The following KCNAB1 variants were observed in gnomAD, a reference collection of about 807,000 sequenced individuals.
KCNAB1 encodes voltage-gated potassium channel subunit beta-1.
A neutral mutation model predicts 64.6 loss-of-function variants in KCNAB1; 35 were observed. The ratio of observed to expected loss-of-function variants is 0.54; its 90% CI spans 0.41 to 0.72. KCNAB1 has a LOEUF of 0.72. Among genes scored for constraint, KCNAB1 ranks in the 30% least tolerant of loss-of-function variants. The pLI is 0.00. For synonymous variants in KCNAB1, 177 were observed against 183.8 expected (o/e 0.96, Z 0.30); for missense variants, 401 against 512.9 (o/e 0.78, Z 2.11).
At chr3:156,410,935 G>GT (rs1714609725) in intron 1 of KCNAB1, among the ~76,000 whole-genome samples, 1 of 152,188 alleles carries the variant, frequency 6.6e-6, no homozygotes, top group African/African-American at 2.4e-5. Flanking sequence ...GTGAATGTAA[G>GT]TTTTTAATTC....
At chr3:156,395,302 T>C (rs1339645504) in intron 1 of KCNAB1, among the ~76,000 whole-genome samples, 1 of 149,658 alleles carries the variant, frequency 6.7e-6, no homozygotes, top group Non-Finnish European at 1.5e-5. Context: ...TCCCAGCACT[T>C]TGGGAGGCCG....
intron 1 of KCNAB1, among the ~76,000 whole-genome samples, chr3:156,148,390 A>T (rs549750839): frequency 2.6e-5 from 4 of 152,246 alleles, no homozygotes; most frequent in African/African-American, 9.6e-5. Flanking sequence ...GTGCTGGTAC[A>T]TACTTGTTGC....
intron 1 of KCNAB1, among the ~76,000 whole-genome samples, chr3:156,391,804 G>C (rs1007633107): frequency 6.6e-6 from 1 of 152,184 alleles, no homozygotes; most frequent in African/African-American, 2.4e-5. Context: ...GTTTCAAAAA[G>C]TCATGTGACT....
At position 156,494,766 on chromosome 3, in the gene KCNAB1, A is replaced by G. The variant is rs573856499; in HGVS notation, c.659-19598A>G. 7.9e-5 allele frequency among the ~76,000 whole-genome samples: 12 copies of G among 152,298 alleles called. No homozygotes were observed. In the South Asian group the frequency reaches 2.5e-3, roughly 32 times the overall value. ...TTCCTGTGGGTTCCCAAAGAAGTTC[A>G]AGAGTTAACATTTCATTCCTTCAAT... On this transcript the variant is annotated intron_variant, in intron 8 of 13. Transcript: ENST00000490337.
intron 8 of KCNAB1, among the ~76,000 whole-genome samples, chr3:156,512,839 A>C (rs183337447): frequency 6.6e-6 from 1 of 152,378 alleles, no homozygotes; most frequent in Admixed American, 6.5e-5. Flanking sequence ...CTTATAAGCC[A>C]GCTTTTACCT....
chr3:156,534,985 C>T (rs1242193836), intron 13 of KCNAB1, among the ~76,000 whole-genome samples: 3 of 148,652 alleles, frequency 2.0e-5, no homozygotes, highest in African/African-American at 7.9e-5. Flanking sequence ...GGATTCTTCT[C>T]CTCACGTGGC....
intron 1 of KCNAB1, among the ~76,000 whole-genome samples, chr3:156,368,439 T>G (rs1252456380): frequency 1.3e-5 from 2 of 152,170 alleles, no homozygotes; most frequent in Non-Finnish European, 2.9e-5. Flanking sequence ...TTCTTAATGT[T>G]TTTTAGAGAC....
intron 1 of KCNAB1, among the ~76,000 whole-genome samples, chr3:156,157,893 A>G (rs1715815669): frequency 2.0e-5 from 3 of 152,072 alleles, no homozygotes. Flanking sequence ...TTACTATAAT[A>G]AAAGGGCCGC....
At chr3:156,426,647 C>T (rs1394667996) in intron 2 of KCNAB1, among the ~76,000 whole-genome samples, 20 of 152,234 alleles carry the variant, frequency 1.3e-4, no homozygotes, top group Admixed American at 1.3e-3. Flanking sequence ...TCCCTCTCCT[C>T]TAACTCCTGG....
intron 1 of KCNAB1, among the ~76,000 whole-genome samples, chr3:156,259,390 A>C (rs986011409): frequency 6.6e-6 from 1 of 152,234 alleles, no homozygotes; most frequent in African/African-American, 2.4e-5. Context: ...ATCAAAAGTC[A>C]CATCACTAAC....
chr3:156,230,959 C>G (rs1251697940), intron 1 of KCNAB1, among the ~76,000 whole-genome samples: 1 of 152,322 alleles, frequency 6.6e-6, no homozygotes, highest in East Asian at 1.9e-4. Flanking sequence ...CCTCTTTTCC[C>G]TCTTCTGGAG....
chr3:156,175,059 A>G (rs1712258891), intron 1 of KCNAB1, among the ~76,000 whole-genome samples: 1 of 152,174 alleles, frequency 6.6e-6, no homozygotes, highest in African/African-American at 2.4e-5. Context: ...TTGTCAGCTC[A>G]TGAGGCTTCT....
chr3:156,136,313 G>A (rs944090981), intron 1 of KCNAB1, among the ~76,000 whole-genome samples: 3 of 152,214 alleles, frequency 2.0e-5, no homozygotes, highest in Non-Finnish European at 4.4e-5. Context: ...AATATGATGA[G>A]CTATAGTTTC....
intron 1 of KCNAB1, among the ~76,000 whole-genome samples, chr3:156,167,143 G>A (rs1711623626): frequency 6.6e-6 from 1 of 152,122 alleles, no homozygotes; most frequent in South Asian, 2.1e-4. Flanking sequence ...CAGAATCCTG[G>A]TATTCCCTCA....
At chr3:156,390,179 G>C (rs3796166) in intron 1 of KCNAB1, among the ~76,000 whole-genome samples, 45,043 of 152,084 alleles carry the variant, frequency 0.3, 9,239 homozygotes, top group African/African-American at 0.59. Flanking sequence ...AGATCAGAAG[G>C]CTCTGGTAGA....
intron 1 of KCNAB1, among the ~76,000 whole-genome samples, chr3:156,267,930 C>A (rs1267738616): frequency 1.3e-5 from 2 of 151,842 alleles, no homozygotes; most frequent in African/African-American, 2.4e-5. Flanking sequence ...ATAATTAAAT[C>A]ATTATTGACC....
chr3:156,226,659 T>C (rs573045894), intron 1 of KCNAB1, among the ~76,000 whole-genome samples: 2 of 152,262 alleles, frequency 1.3e-5, no homozygotes, highest in East Asian at 3.9e-4. Context: ...AACTTATTCA[T>C]GTAACCAAGT....
chr3:156,176,402 A>T (rs1377035424), intron 1 of KCNAB1: 2 of 784,788 alleles, frequency 2.5e-6, no homozygotes, highest in African/African-American at 3.4e-5. Flanking sequence ...TAACTGTGCC[A>T]TCGTCACTGC....
At chr3:156,285,847 C>A (rs961343873) in intron 1 of KCNAB1, among the ~76,000 whole-genome samples, 1 of 152,230 alleles carries the variant, frequency 6.6e-6, no homozygotes, top group Non-Finnish European at 1.5e-5. Flanking sequence ...AACACTATGG[C>A]ACCTTGCCTT....
Sources: gnomAD v4.1 joint callset for allele counts (sites outside exome capture counted in the v4.1 genomes callset) on GRCh38, gnomAD v4.1.1 for gene constraint, MANE v1.5 for transcripts, NCBI Gene and HGNC (gene_info 2026-07-23, HGNC 2026-07-21) for gene names.